Variants in TTC6 observed in about 807,000 individuals in gnomAD.
TTC6 encodes tetratricopeptide repeat domain 6, also known as tetratricopeptide repeat protein 6.
In TTC6, 172 loss-of-function variants were observed where a neutral mutation model predicts 210.4. That is an observed-to-expected ratio of 0.82 (90% CI 0.72 to 0.93). The LOEUF (loss-of-function observed/expected upper bound fraction) is 0.93, where lower values mean the gene tolerates loss of function less well. Among genes scored for constraint, TTC6 ranks in the 40% least tolerant of loss-of-function variants. The pLI is 0.00. For missense variants in TTC6, 2,414 were observed against 2,318.1 expected (o/e 1.04, Z -0.85); for synonymous variants, 804 against 819.6 (o/e 0.98, Z 0.32).
intron 14 of TTC6, among the ~76,000 whole-genome samples, chr14:37,769,456 A>G (rs2096010704): frequency 6.6e-6 from 1 of 152,176 alleles, no homozygotes; most frequent in South Asian, 2.1e-4. Flanking sequence ...TTGGTAAGCT[A>G]TTGATTATTG....
At chr14:37,718,414 C>G (rs2095856095) in intron 6 of TTC6, among the ~76,000 whole-genome samples, 1 of 152,156 alleles carries the variant, frequency 6.6e-6, no homozygotes, top group African/African-American at 2.4e-5. Flanking sequence ...TAGAGGGAAA[C>G]TTCTACAGCT....
chr14:37,838,348 A>G (rs1050093769), intron 29 of TTC6, among the ~76,000 whole-genome samples: 2 of 152,202 alleles, frequency 1.3e-5, no homozygotes, highest in Non-Finnish European at 2.9e-5. Context: ...AGCCATGTCA[A>G]AATGCTATAA....
At chr14:37,718,158 T>C (rs918818519) in intron 6 of TTC6, among the ~76,000 whole-genome samples, 31 of 152,180 alleles carry the variant, frequency 2.0e-4, no homozygotes, top group African/African-American at 6.8e-4. Flanking sequence ...ATATTGGTTA[T>C]AAAAATCCTT....
intron 16 of TTC6, among the ~76,000 whole-genome samples, chr14:37,791,186 A>G (rs1358306056): frequency 2.6e-5 from 4 of 152,162 alleles, no homozygotes; most frequent in African/African-American, 9.7e-5. Context: ...AAGTTTTAAA[A>G]TAATGAAAAA....
intron 13 of TTC6, among the ~76,000 whole-genome samples, chr14:37,752,177 G>A (rs767620905): frequency 3.3e-5 from 5 of 151,932 alleles, no homozygotes; most frequent in Admixed American, 6.6e-5. Context: ...TCCCCTGATT[G>A]CAGTACAATT....
intron 14 of TTC6, among the ~76,000 whole-genome samples, chr14:37,785,984 GA>G (rs543265053): frequency 1.3e-5 from 2 of 152,264 alleles, no homozygotes; most frequent in Non-Finnish European, 2.9e-5. Flanking sequence ...TGTTCCTCTG[GA>G]AGCTTTGTCT....
chr14:37,824,899 A>T (rs1013737960), intron 27 of TTC6, among the ~76,000 whole-genome samples: 2 of 152,128 alleles, frequency 1.3e-5, no homozygotes, highest in Non-Finnish European at 2.9e-5. Flanking sequence ...AGGGCATGAG[A>T]TGAGGCTGGA....
At chr14:37,612,354 A>G (rs1296412222) in intron 2 of TTC6, among the ~76,000 whole-genome samples, 4 of 152,166 alleles carry the variant, frequency 2.6e-5, no homozygotes. Flanking sequence ...GACTTCCTTT[A>G]CTTGGCATAA....
At chr14:37,772,525 C>T (rs12883913) in intron 14 of TTC6, 62,444 of 152,518 alleles carry the variant, frequency 0.41, 13,967 homozygotes, top group Non-Finnish European at 0.5. Context: ...TTTTTAAGCC[C>T]GTCGGAAAAG....
At chr14:37,827,338 T>C (rs1353019198) in exon 29 of TTC6, 11 of 1,613,000 alleles carry the variant, frequency 6.8e-6, no homozygotes, top group Non-Finnish European at 9.3e-6. Context: ...GCAGGAAATA[T>C]CTACTTTCAC....
At chr14:37,721,147 G>C (rs1299383361) in intron 6 of TTC6, among the ~76,000 whole-genome samples, 2 of 151,266 alleles carry the variant, frequency 1.3e-5, no homozygotes, top group East Asian at 3.9e-4. Context: ...ATTGTTACAT[G>C]ATGATTTGTA....
intron 3 of TTC6, among the ~76,000 whole-genome samples, chr14:37,686,288 A>G (rs924561243): frequency 1.3e-5 from 2 of 152,220 alleles, no homozygotes; most frequent in Non-Finnish European, 2.9e-5. Flanking sequence ...AGCACTTAGA[A>G]CAATGCCTGA....
chr14:37,627,968 C>A (rs888921929), intron 1 of TTC6, among the ~76,000 whole-genome samples: 4 of 152,042 alleles, frequency 2.6e-5, no homozygotes, highest in Non-Finnish European at 5.9e-5. Flanking sequence ...TGATTCCTGA[C>A]TTGTTTTTGT....
chr14:37,821,023 C>CTCTTCT (rs10599374), intron 26 of TTC6, among the ~76,000 whole-genome samples: 19 of 145,362 alleles, frequency 1.3e-4, no homozygotes, highest in Admixed American at 7.0e-4. Context: ...CTTCTTCTTC[C>CTCTTCT]TCTTCTTCTT....
chr14:37,707,840 G>T (rs1487064043), intron 5 of TTC6, among the ~76,000 whole-genome samples: 1 of 151,994 alleles, frequency 6.6e-6, no homozygotes, highest in African/African-American at 2.4e-5. Context: ...AAACATTTTT[G>T]ACTGTTTATC....
rs146257090 is a variant in TTC6 at position 37,723,202 on chromosome 14, T to A, written c.1714-1696T>A. Among the ~76,000 whole-genome samples, 392 of 152,222 alleles carry A rather than the reference T, an allele frequency of 2.6e-3. 3 individuals are homozygous for A. Among genetic ancestry groups the A allele is most frequent in the African/African-American group, 8.7e-3 (363 of 41,542 alleles). On this transcript the variant is annotated intron_variant, in intron 6 of 30. Transcript: ENST00000553443. ...TTTGGCAGTATTAGATATTCTAGGT[T>A]CATCTTGCATATTTCCTGCCCCAGT...
chr14:37,670,116 A>G (rs1423928068), intron 1 of TTC6, among the ~76,000 whole-genome samples: 1 of 152,174 alleles, frequency 6.6e-6, no homozygotes, highest in African/African-American at 2.4e-5. Context: ...CATAGGTTAG[A>G]TGTTATTAAA....
chr14:37,800,169 G>A (rs1209910248), intron 20 of TTC6, among the ~76,000 whole-genome samples: 3 of 152,108 alleles, frequency 2.0e-5, no homozygotes, highest in Admixed American at 2.0e-4. Context: ...CAGACTCTTA[G>A]TAGATACCTG....
chr14:37,829,996 A>G (rs2096180797), intron 29 of TTC6, among the ~76,000 whole-genome samples: 2 of 152,042 alleles, frequency 1.3e-5, no homozygotes, highest in South Asian at 4.1e-4. Context: ...CTTCCCCACA[A>G]TAATTTCTTG....
Sources: gnomAD v4.1 joint callset for allele counts (sites outside exome capture counted in the v4.1 genomes callset) on GRCh38, gnomAD v4.1.1 for gene constraint, MANE v1.5 for transcripts, NCBI Gene and HGNC (gene_info 2026-07-23, HGNC 2026-07-21) for gene names.